Variants in ALOX15 observed in about 807,000 individuals in gnomAD.
ALOX15 encodes polyunsaturated fatty acid lipoxygenase ALOX15.
ALOX15 carries 68 observed loss-of-function variants against 71.7 expected under a neutral mutation model. The observed-to-expected ratio is 0.95, with a 90% CI of 0.78 to 1.16. The LOEUF (loss-of-function observed/expected upper bound fraction) is 1.16, where lower values mean the gene tolerates loss of function less well. Among genes scored for constraint, ALOX15 ranks in the 50% most tolerant of loss-of-function variants. The pLI, the probability that ALOX15 is intolerant of heterozygous loss-of-function variation, is 0.00. For missense variants in ALOX15, 798 were observed against 818.8 expected (o/e 0.97, Z 0.31); for synonymous variants, 346 against 333.3 (o/e 1.04, Z -0.42).
chr17:4,632,255 C>A lies in ALOX15; in HGVS notation c.1567G>T (p.Asp523Tyr). 1.2e-6 allele frequency: 2 copies of A among 1,614,150 alleles called. No individual in the cohort carries two copies. Among genetic ancestry groups the A allele is most frequent in the South Asian group, 2.2e-5 (2 of 91,056 alleles). Residue 523 changes from aspartate (D) to tyrosine (Y), a missense_variant, in exon 12 of 14, where the codon GAC becomes TAC. Asp to Tyr is a radical substitution (Grantham distance 160). Around this residue, in one of 3 missense-constraint regions of ALOX15, gnomAD observed 490 missense variants for 509.4 expected, o/e 0.96. Coordinates refer to ENST00000293761, the MANE Select transcript of ALOX15 (RefSeq NM_001140.5). ...RGFPVSLQAR[D>Y]QVCHFVTMCI... ...ATGGTGACAAAGTGGCAAACCTGGTCCCGAGCCTGTAAAGAGACAGGAAAC... is the reference window on the plus strand; with the variant it reads ...ATGGTGACAAAGTGGCAAACCTGGTACCGAGCCTGTAAAGAGACAGGAAAC...
Position 4,635,776 on chromosome 17 carries a change from T to C in ALOX15, c.1144A>G (p.Ile382Val). 2 of 1,614,158 alleles carry C rather than the reference T, an allele frequency of 1.2e-6. No individual in the cohort carries two copies. The highest frequency in any genetic ancestry group is 1.7e-6 in the Non-Finnish European group (2 of 1,180,042). Residue 382 changes from isoleucine (I) to valine (V), a missense_variant, in exon 8 of 14, where the codon ATA becomes GTA. Physicochemically the swap from Ile to Val is conservative, Grantham distance 29. Coordinates refer to ENST00000293761, the MANE Select transcript of ALOX15 (RefSeq NM_001140.5). ...VVATMRCLPSIHPIFKLIIPH... is the reference protein window; with the variant it reads ...VVATMRCLPSVHPIFKLIIPH... The stretch of plus-strand genomic sequence containing the variant: ...GGAGTTACCTTGAAGATAGGATGTA[T>C]CGACGGCAGGCACCTCATGGTGGCC...
Position 4,636,035 on chromosome 17 carries a change from TTGCA to T in ALOX15, c.952-71_952-68del. ...AGGCACTCAGCGATTCCCGCCCCCC[TTGCA>T]TGTTAACCTCACCCTTCGTCCTCCA... On this transcript the variant is annotated intron_variant, in intron 7 of 13. Coordinates refer to ENST00000293761, the MANE Select transcript of ALOX15 (RefSeq NM_001140.5). 3.3e-6 allele frequency: 5 copies of T among 1,527,658 alleles called. No homozygotes were observed. The South Asian group carries it at 5.8e-5, about 18-fold the overall frequency. The allele number at this position is 1,527,658 out of a possible 1,614,324, so 94.6% of individuals were successfully genotyped here.
chr17:4,632,911 G>A lies in ALOX15; in HGVS notation c.1490C>T (p.Thr497Ile). The A allele has an allele frequency of 1.2e-6, 2 of 1,614,124 alleles. No individual in the cohort carries two copies. The highest frequency in any genetic ancestry group is 1.3e-5 in the African/African-American group (1 of 75,010). The change falls in exon 11 of 14, where the codon ACC becomes ATC. Residue 497 changes from threonine (T) to isoleucine (I), a missense_variant. This residue lies in a region of ALOX15 where 490 missense variants were observed against 509.4 expected (regional missense o/e 0.96). Transcript: ENST00000293761. Reference protein sequence around the residue: ...VAVKDDPELQTWCREITEIGL... With the variant: ...VAVKDDPELQIWCREITEIGL... Reference sequence around the variant, plus strand: ...GATTTCAGTGATCTCTCGACACCAGGTCTGCAGCTCTGGGTCGTCTTTCAC... The same window carrying A: ...GATTTCAGTGATCTCTCGACACCAGATCTGCAGCTCTGGGTCGTCTTTCAC...
In ALOX15 at chr17:4,637,194, C is replaced by A; in HGVS notation, c.872G>T (p.Cys291Phe). ...AGGGGCAGCCAGGTGCTGCTGGCTA[C>A]AGAGAATGACGTTGGCCTTGATCCC... ...LDGIKANVIL[C>F]SQQHLAAPLV... The change falls in exon 7 of 14, where the codon TGT becomes TTT. Residue 291 changes from cysteine (C) to phenylalanine (F), a missense_variant. Cys to Phe is a radical substitution (Grantham distance 205, BLOSUM62 -2). This residue lies in a region of ALOX15 where 490 missense variants were observed against 509.4 expected (regional missense o/e 0.96). Coordinates refer to ENST00000293761, the MANE Select transcript of ALOX15 (RefSeq NM_001140.5). 6.2e-7 allele frequency: 1 copy of A among 1,614,052 alleles called. No homozygotes were observed. Among genetic ancestry groups the A allele is most frequent in the Non-Finnish European group, 8.5e-7 (1 of 1,179,954 alleles).
rs372580352 is a variant in ALOX15 at position 4,631,986 on chromosome 17, G to A, written c.1712C>T (p.Ala571Val). Residue 571 changes from alanine to valine, a missense_variant, in exon 13 of 14, where the codon GCA becomes GTA. Ala to Val is a moderately conservative substitution (Grantham distance 64, BLOSUM62 0). Around this residue, in one of 3 missense-constraint regions of ALOX15, gnomAD observed 490 missense variants for 509.4 expected, o/e 0.96. Transcript: ENST00000293761. The stretch of plus-strand genomic sequence containing the variant: ...TGTCGCCATCACTGTCTCCAGCGTT[G>A]CATCCTTGGTGGTTGGCGGGGGCAG... ...MRLPPPTTKD[A>V]TLETVMATLP... The A allele has an allele frequency of 2.0e-4, 329 of 1,613,950 alleles. No homozygotes were observed. Among genetic ancestry groups the A allele is most frequent in the Non-Finnish European group, 2.6e-4 (301 of 1,180,030 alleles).
At position 4,632,048 on chromosome 17, in the gene ALOX15, C is replaced by A; in HGVS notation, c.1650G>T (p.Trp550Cys). 6.2e-7 allele frequency: 1 copy of A among 1,611,262 alleles called. No homozygotes were observed. Among genetic ancestry groups the A allele is most frequent in the Non-Finnish European group, 8.5e-7 (1 of 1,178,452 alleles). ...AGGGTGCATTAGGCACCCAAGAGTA[C>A]CAGTCCAGCTAAGGAAGGGCAGGGA... ...HASVHLGQLDWYSWVPNAPCT... is the reference protein window; with the variant it reads ...HASVHLGQLDCYSWVPNAPCT... Residue 550 changes from tryptophan to cysteine, a missense_variant, in exon 13 of 14, where the codon TGG becomes TGT. By Grantham distance (215) the Trp-to-Cys change is radical (BLOSUM62 -2). Transcript: ENST00000293761.
intron 7 of ALOX15, among the ~76,000 whole-genome samples, chr17:4,636,529 T>G (rs1911107287): frequency 6.6e-6 from 1 of 152,086 alleles, no homozygotes; most frequent in Non-Finnish European, 1.5e-5. Context: ...ATCCTGATGG[T>G]CACTACCCAC....
In ALOX15 at chr17:4,632,986, C is replaced by T; in HGVS notation, c.1419-4G>A. 1.9e-6 allele frequency: 3 copies of T among 1,614,130 alleles called. No homozygotes were observed. Among genetic ancestry groups the T allele is most frequent in the Non-Finnish European group, 2.5e-6 (3 of 1,180,012 alleles). ...ACTCACGATTCCTTCCACATACCTA[C>T]CAACCAACGGAGCAGGGCCAGGGAG... On this transcript the variant is annotated splice_polypyrimidine_tract_variant and splice_region_variant and intron_variant, in intron 10 of 13. Coordinates refer to ENST00000293761, the MANE Select transcript of ALOX15 (RefSeq NM_001140.5).
intron 7 of ALOX15, 38 bp from the exon 8 acceptor site, chr17:4,636,006 T>C: frequency 1.9e-6 from 3 of 1,596,724 alleles, no homozygotes; most frequent in Non-Finnish European, 2.6e-6. Flanking sequence ...AAGGCATGAG[T>C]GCCAGGCACT....
chr17:4,641,116 A>G (rs1402264319), intron 1 of ALOX15, among the ~76,000 whole-genome samples: 1 of 150,998 alleles, frequency 6.6e-6, no homozygotes, highest in Non-Finnish European at 1.5e-5. Flanking sequence ...CTTCCCTCTC[A>G]CCACCCACTC....
In ALOX15 at chr17:4,633,425, T is replaced by C. The variant is rs748139497; in HGVS notation, c.1237A>G (p.Ile413Val). 2 of 1,614,024 alleles carry C rather than the reference T, an allele frequency of 1.2e-6. No homozygotes were observed. The highest frequency in any genetic ancestry group is 1.7e-5 in the Admixed American group (1 of 60,004). The change falls in exon 9 of 14, where the codon ATT (isoleucine) becomes GTT (valine). Residue 413 changes from isoleucine (I) to valine (V), a missense_variant. By Grantham distance (29) the Ile-to-Val change is conservative. Around this residue, in one of 3 missense-constraint regions of ALOX15, gnomAD observed 490 missense variants for 509.4 expected, o/e 0.96. Coordinates refer to ENST00000293761, the MANE Select transcript of ALOX15 (RefSeq NM_001140.5). ...TTCTCTTCCCATACCTGGTCGAAAA[T>C]TCCCATGTCAGAGACCAGCCCAGTC... is the stretch of plus-strand genomic sequence containing the variant. ...ARTGLVSDMG[I>V]FDQIMSTGGG...
chr17:4,635,473 C>T (rs1567647452), intron 8 of ALOX15, among the ~76,000 whole-genome samples: 1 of 151,450 alleles, frequency 6.6e-6, no homozygotes. Context: ...ATCTTTTTAA[C>T]GTTATTTCAC....
Position 4,635,944 on chromosome 17 carries a change from G to A in ALOX15, c.976C>T (p.Pro326Ser), listed in dbSNP as rs765828500. ...GTAGGCAAGAAAAGGGGAGGTGGTG[G>A]GGATCCTGTGCGGGGCAGCTGGAGC... is the stretch of plus-strand genomic sequence containing the variant. ...IQLQLPRTGS[P>S]PPPLFLPTDP... The change falls in exon 8 of 14, where the codon CCA becomes TCA. Residue 326 changes from proline (P) to serine (S), a missense_variant. Coordinates refer to ENST00000293761, the MANE Select transcript of ALOX15 (RefSeq NM_001140.5). The A allele has an allele frequency of 1.2e-6, 2 of 1,613,864 alleles. No homozygotes were observed. Among genetic ancestry groups the A allele is most frequent in the Admixed American group, 1.7e-5 (1 of 60,012 alleles).
rs750069334 is a variant in ALOX15, at chr17:4,638,850, C to T, written c.542G>A (p.Gly181Glu). The change falls in exon 4 of 14, where the codon GGG becomes GAG. Residue 181 changes from glycine (G) to glutamate (E), a missense_variant and splice_region_variant. By Grantham distance (98) the Gly-to-Glu change is moderately conservative (BLOSUM62 -2). Transcript: ENST00000293761. ...TCACCCAGCCTCCCCTTGCTCTCACCCCTTGGCCAGCGAAACCTCAAAGTC... is the reference window on the plus strand; with the variant it reads ...TCACCCAGCCTCCCCTTGCTCTCACTCCTTGGCCAGCGAAACCTCAAAGTC... Reference protein sequence around the residue: ...RVDFEVSLAKGLADLAIKDSL... With the variant: ...RVDFEVSLAKELADLAIKDSL... 4 of 1,614,204 alleles carry T rather than the reference C, an allele frequency of 2.5e-6. No individual in the cohort carries two copies. The Admixed American group carries it at 6.7e-5, about 27-fold the overall frequency.
At chr17:4,635,294 C>A (rs992375606) in intron 8 of ALOX15, among the ~76,000 whole-genome samples, 1 of 151,252 alleles carries the variant, frequency 6.6e-6, no homozygotes, top group Admixed American at 6.6e-5. Context: ...ATTAGCCAGG[C>A]CTGGTGGTGC....
intron 9 of ALOX15, 32 bp downstream of exon 9, chr17:4,633,382 C>G (rs2619113): frequency 9.9e-6 from 16 of 1,612,098 alleles, no homozygotes; most frequent in Admixed American, 1.7e-5. Context: ...GGAAAAAAGA[C>G]AGACCCAGAA....
At position 4,631,178 on chromosome 17, in the gene ALOX15, G is replaced by A. The variant is rs561559450; in HGVS notation, c.*422C>T. 24 of 162,428 alleles carry A rather than the reference G, an allele frequency of 1.5e-4. No individual in the cohort carries two copies. The highest frequency in any genetic ancestry group is 2.3e-4 in the Non-Finnish European group (17 of 74,064). The allele number at this position is 162,428 out of a possible 1,614,324, so 10.1% of individuals were successfully genotyped here. ...CAGGACGCTGAGGCTGCAGTGAGCC[G>A]TGGTGATGGCACCACTGCACTCCAG... On this transcript the variant is annotated 3_prime_UTR_variant, in exon 14 of 14. Transcript: ENST00000293761.
At position 4,631,962 on chromosome 17, in the gene ALOX15, G is replaced by A. The variant is rs985307514; in HGVS notation, c.1736C>T (p.Thr579Ile). Residue 579 changes from threonine to isoleucine, a missense_variant, in exon 13 of 14, where the codon ACA becomes ATA. Thr to Ile is a moderately conservative substitution (Grantham distance 89). Transcript: ENST00000293761. Reference sequence around the variant, plus strand: ...AGAAGCCTGGTGGAAGTTGGGCAGTGTCGCCATCACTGTCTCCAGCGTTGC... The same window carrying A: ...AGAAGCCTGGTGGAAGTTGGGCAGTATCGCCATCACTGTCTCCAGCGTTGC... The part of the protein sequence containing the change: ...KDATLETVMA[T>I]LPNFHQASLQ... The A allele has an allele frequency of 1.2e-6, 2 of 1,614,030 alleles. No individual in the cohort carries two copies. Among genetic ancestry groups the A allele is most frequent in the Admixed American group, 1.7e-5 (1 of 59,998 alleles).
chr17:4,636,690 C>CTCA (rs1308675327), intron 7 of ALOX15, among the ~76,000 whole-genome samples: 1 of 152,192 alleles, frequency 6.6e-6, no homozygotes, highest in Non-Finnish European at 1.5e-5. Context: ...AGCTTCCCAC[C>CTCA]TCATACTCCT....
Sources: allele counts gnomAD v4.1 joint callset (sites outside exome capture counted in the v4.1 genomes callset), GRCh38; gene constraint gnomAD v4.1.1; regional missense constraint gnomAD v4.1.1; transcripts MANE v1.5; gene names NCBI Gene and HGNC (gene_info 2026-07-23, HGNC 2026-07-21).